Variants in THEMIS observed in about 807,000 individuals in gnomAD.
THEMIS encodes the protein thymocyte selection associated.
Under a neutral mutation model 52.6 loss-of-function variants are expected in THEMIS, and 37 were observed. The observed-to-expected ratio is 0.70, with a 90% CI of 0.54 to 0.93. The LOEUF (loss-of-function observed/expected upper bound fraction) is 0.93, where lower values mean the gene tolerates loss of function less well. THEMIS is among the 40% of genes least tolerant of loss of function. The pLI, the probability that THEMIS is intolerant of heterozygous loss-of-function variation, is 0.00. For missense variants in THEMIS, 808 were observed against 763.1 expected (o/e 1.06, Z -0.69); for synonymous variants, 292 against 272.7 (o/e 1.07, Z -0.70).
chr6:127,770,055 C>T (rs1776331267), intron 4 of THEMIS, among the ~76,000 whole-genome samples: 1 of 152,222 alleles, frequency 6.6e-6, no homozygotes, highest in South Asian at 2.1e-4. Flanking sequence ...CAAGTCGTTG[C>T]TATTGTGAAT....
At chr6:127,783,362 T>G (rs1277519483) in intron 4 of THEMIS, among the ~76,000 whole-genome samples, 1 of 152,102 alleles carries the variant, frequency 6.6e-6, no homozygotes, top group East Asian at 1.9e-4. Flanking sequence ...CCAAAACCAA[T>G]GGCAACAAAA....
intron 1 of THEMIS, among the ~76,000 whole-genome samples, chr6:127,862,701 T>TCAG (rs1167682222): frequency 2.0e-5 from 3 of 151,922 alleles, no homozygotes; most frequent in Non-Finnish European, 4.4e-5. Context: ...ATTACAGGTG[T>TCAG]CAGCCACCCC....
upstream of THEMIS, among the ~76,000 whole-genome samples, chr6:127,903,492 C>T (rs1781195729): frequency 6.6e-6 from 1 of 151,492 alleles, no homozygotes; most frequent in Admixed American, 6.6e-5. Context: ...TTTTATTCAA[C>T]AAATGGTTGT....
At chr6:127,799,323 G>C (rs1246633095) in intron 4 of THEMIS, among the ~76,000 whole-genome samples, 1 of 152,120 alleles carries the variant, frequency 6.6e-6, no homozygotes, top group Non-Finnish European at 1.5e-5. Flanking sequence ...GACAAGAAAT[G>C]ATGAAGACCT....
intron 1 of THEMIS, among the ~76,000 whole-genome samples, chr6:127,872,266 A>G (rs1240164532): frequency 6.6e-6 from 1 of 152,148 alleles, no homozygotes; most frequent in African/African-American, 2.4e-5. Context: ...TTTTACACCT[A>G]TTTATTTAAA....
At chr6:127,833,541 C>G (rs4142030) in intron 2 of THEMIS, among the ~76,000 whole-genome samples, 58,602 of 152,034 alleles carry the variant, frequency 0.39, 11,645 homozygotes, top group East Asian at 0.59. Context: ...TCTTGCCTCC[C>G]TGTTGCATGT....
chr6:127,858,174 A>G (rs1174078713), intron 1 of THEMIS, among the ~76,000 whole-genome samples: 1 of 152,092 alleles, frequency 6.6e-6, no homozygotes, highest in African/African-American at 2.4e-5. Context: ...CATGGAATAG[A>G]AGCCAGAGAA....
At chr6:127,811,844 TTG>T (rs1330901619) in intron 4 of THEMIS, among the ~76,000 whole-genome samples, 3 of 152,226 alleles carry the variant, frequency 2.0e-5, no homozygotes, top group Non-Finnish European at 2.9e-5. Flanking sequence ...TCAAAACTGT[TTG>T]TCTGGGAAGA....
At chr6:127,761,826 T>G (rs1776032070) in intron 4 of THEMIS, among the ~76,000 whole-genome samples, 1 of 152,096 alleles carries the variant, frequency 6.6e-6, no homozygotes, top group Admixed American at 6.6e-5. Flanking sequence ...AGCACAGCCA[T>G]TATGGAAAAC....
At chr6:127,742,352 A>C (rs910236639) in intron 4 of THEMIS, among the ~76,000 whole-genome samples, 1 of 149,694 alleles carries the variant, frequency 6.7e-6, no homozygotes, top group Non-Finnish European at 1.5e-5. Context: ...AAACAAAAAA[A>C]CAAAAAAACA....
intron 4 of THEMIS, among the ~76,000 whole-genome samples, chr6:127,746,559 G>A (rs1038017123): frequency 3.4e-5 from 5 of 147,880 alleles, no homozygotes; most frequent in African/African-American, 5.0e-5. Context: ...ACAAATCAAC[G>A]ATGTGCTAAA....
At chr6:127,764,495 A>G (rs1196341954) in intron 4 of THEMIS, among the ~76,000 whole-genome samples, 1 of 152,090 alleles carries the variant, frequency 6.6e-6, no homozygotes, top group Non-Finnish European at 1.5e-5. Context: ...CAGAGATATC[A>G]TAGCTGCAGA....
At position 127,813,565 on chromosome 6, in the gene THEMIS, T is replaced by C. The variant is rs1233460794; in HGVS notation, c.1076A>G (p.Lys359Arg). The change falls in exon 4 of 6, where the codon AAG (lysine) becomes AGG (arginine). Residue 359 changes from lysine (K) to arginine (R), a missense_variant. Lys to Arg is a conservative substitution (Grantham distance 26). Coordinates refer to ENST00000368248, the MANE Select transcript of THEMIS (RefSeq NM_001010923.3). ...FPTAYDLEIA[K>R]SEKEPLHVVA... The stretch of plus-strand genomic sequence containing the variant: ...CACGTGAAGAGGCTCCTTTTCACTC[T>C]TAGCGATCTCTAGGTCATAGGCCGT... 1 of 1,613,846 alleles carries C rather than the reference T, an allele frequency of 6.2e-7. No homozygotes were observed. Among genetic ancestry groups the C allele is most frequent in the Non-Finnish European group, 8.5e-7 (1 of 1,179,906 alleles).
In THEMIS at chr6:127,866,869, G is replaced by C. The variant is rs191533646; in HGVS notation, c.92-11681C>G. ...CAGAAGGGACACACAAATATATAAA[G>C]AACAAAAACTGATAAGCTAGTAGAC... is the stretch of plus-strand genomic sequence containing the variant. On this transcript the variant is annotated intron_variant, in intron 1 of 5. Transcript: ENST00000368248. Among the ~76,000 whole-genome samples the C allele has an allele frequency of 1.2e-3, 181 of 151,734 alleles. 1 individual carries two copies. The highest frequency in any genetic ancestry group is 4.2e-3 in the African/African-American group (175 of 41,502).
At position 127,900,947 on chromosome 6, in the gene THEMIS, T is replaced by C; in HGVS notation, c.-15A>G. 6.2e-7 allele frequency: 1 copy of C among 1,605,880 alleles called. No individual in the cohort carries two copies. Among genetic ancestry groups the C allele is most frequent in the East Asian group, 2.2e-5 (1 of 44,798 alleles). ...GATAATGCCATTGCTATGCCTTGGG[T>C]AGTTTGTAGACCTGGTGCTCACAGA... is the stretch of plus-strand genomic sequence containing the variant. On this transcript the variant is annotated 5_prime_UTR_variant, in exon 1 of 6. Coordinates refer to ENST00000368248, the MANE Select transcript of THEMIS (RefSeq NM_001010923.3).
intron 3 of THEMIS, among the ~76,000 whole-genome samples, chr6:127,826,318 A>G (rs1001867344): frequency 1.3e-5 from 2 of 152,154 alleles, no homozygotes; most frequent in Non-Finnish European, 2.9e-5. Context: ...TTAAAAATTA[A>G]ATGAGAGAAA....
intron 4 of THEMIS, among the ~76,000 whole-genome samples, chr6:127,812,445 T>C (rs528884509): frequency 5.9e-5 from 9 of 152,204 alleles, no homozygotes; most frequent in Non-Finnish European, 8.8e-5. Context: ...ACATGTGCTA[T>C]AGATGCATGC....
upstream of THEMIS, among the ~76,000 whole-genome samples, chr6:127,901,310 C>A (rs766964185): frequency 6.6e-6 from 1 of 152,092 alleles, no homozygotes; most frequent in African/African-American, 2.4e-5. Flanking sequence ...GTCAGAGTTG[C>A]TTGTGGCTTG....
At chr6:127,847,057 G>T (rs545256759) in intron 2 of THEMIS, among the ~76,000 whole-genome samples, 2 of 152,002 alleles carry the variant, frequency 1.3e-5, no homozygotes, top group South Asian at 4.2e-4. Flanking sequence ...AATAGATGCG[G>T]AAAAAGCATT....
Sources: gnomAD v4.1 joint callset for allele counts (sites outside exome capture counted in the v4.1 genomes callset) on GRCh38, gnomAD v4.1.1 for gene constraint, MANE v1.5 for transcripts, NCBI Gene and HGNC (gene_info 2026-07-23, HGNC 2026-07-21) for gene names.